CEP128: variants seen among roughly 807,000 people sequenced by gnomAD.
The protein encoded by CEP128 is centrosomal protein 128kDa.
In CEP128, 132 loss-of-function variants were observed where a neutral mutation model predicts 156.7. The observed-to-expected ratio is 0.84, with a 90% CI of 0.73 to 0.97. The LOEUF (loss-of-function observed/expected upper bound fraction) is 0.97. Among genes scored for constraint, CEP128 ranks in the 50% least tolerant of loss-of-function variants. CEP128 has a pLI of 0.00. For synonymous variants in CEP128, 469 were observed against 448.9 expected (o/e 1.04, Z -0.57); for missense variants, 1,252 against 1,281.9 (o/e 0.98, Z 0.36).
In CEP128 at chr14:80,792,847, C is replaced by T; in HGVS notation, c.1473G>A (p.Arg491=). ...DLKLKAQESI[R]QWKLKHKKLE... is the part of the protein sequence containing the mutation. ...ACTTCTTATGCTTAAGCTTCCACTG[C>T]CTAATGGATTCTTGAGCTTTCAGTT... The change falls in exon 14 of 25, where the codon AGG becomes AGA. Residue 491 remains arginine (R), a synonymous_variant. Coordinates refer to ENST00000555265, the MANE Select transcript of CEP128 (RefSeq NM_152446.5). 2 of 1,614,166 alleles carry T rather than the reference C, an allele frequency of 1.2e-6. No homozygotes were observed. The highest frequency in any genetic ancestry group is 1.1e-5 in the South Asian group (1 of 91,080).
chr14:80,754,459 C>CTTTTTTT (rs758603562), intron 18 of CEP128, among the ~76,000 whole-genome samples: 6 of 104,804 alleles, frequency 5.7e-5, no homozygotes, highest in East Asian at 2.6e-4. Context: ...ATGTCCTGTT[C>CTTTTTTT]TTTTTTTTTT....
intron 19 of CEP128, among the ~76,000 whole-genome samples, chr14:80,590,198 T>C (rs1025753064): frequency 3.4e-4 from 51 of 152,238 alleles, no homozygotes; most frequent in African/African-American, 1.2e-3. Context: ...AAGCATGTGT[T>C]TACACACCTG....
At chr14:80,647,598 T>C (rs1456590199) in intron 19 of CEP128, among the ~76,000 whole-genome samples, 2 of 152,074 alleles carry the variant, frequency 1.3e-5, no homozygotes, top group Non-Finnish European at 2.9e-5. Context: ...AGACCTACTG[T>C]TGCAATGGTC....
At chr14:80,787,594 C>T (rs1028357625) in intron 14 of CEP128, among the ~76,000 whole-genome samples, 16 of 152,030 alleles carry the variant, frequency 1.1e-4, no homozygotes, top group Admixed American at 1.0e-3. Context: ...GAGGGTCATT[C>T]TACTTACCAA....
At chr14:80,576,569 C>A (rs1049929963) in intron 20 of CEP128, among the ~76,000 whole-genome samples, 1 of 152,094 alleles carries the variant, frequency 6.6e-6, no homozygotes, top group Non-Finnish European at 1.5e-5. Context: ...GCTCCACCCC[C>A]CCTGCCGTTT....
chr14:80,529,324 A>G (rs1215257922), intron 22 of CEP128, among the ~76,000 whole-genome samples: 3 of 152,234 alleles, frequency 2.0e-5, no homozygotes, highest in African/African-American at 7.2e-5. Flanking sequence ...AGACTCTCCC[A>G]AAAAATTTTA....
chr14:80,700,878 T>C (rs1295718585), intron 19 of CEP128, among the ~76,000 whole-genome samples: 2 of 152,192 alleles, frequency 1.3e-5, no homozygotes, highest in Admixed American at 1.3e-4. Context: ...CTTGTTTAAC[T>C]GACCATACAG....
intron 14 of CEP128, among the ~76,000 whole-genome samples, chr14:80,482,353 G>A (rs1370294708): frequency 6.6e-6 from 1 of 152,112 alleles, no homozygotes; most frequent in African/African-American, 2.4e-5. Flanking sequence ...AGAAGCATAC[G>A]GTTCTTGACT....
intron 19 of CEP128, among the ~76,000 whole-genome samples, chr14:80,616,408 A>C (rs1354729458): frequency 1.4e-4 from 21 of 152,192 alleles, no homozygotes; most frequent in Admixed American, 1.4e-3. Flanking sequence ...ACAGGGGAGG[A>C]GACAAGCTGG....
intron 24 of CEP128, among the ~76,000 whole-genome samples, chr14:80,501,796 G>A (rs1887748092): frequency 6.6e-6 from 1 of 151,920 alleles, no homozygotes; most frequent in African/African-American, 2.4e-5. Context: ...CTTGAGGTAG[G>A]AGGTGGGACT....
At chr14:80,778,246 C>T (rs938038778) in intron 15 of CEP128, among the ~76,000 whole-genome samples, 200 bp from the exon 16 acceptor site, 8 of 152,210 alleles carry the variant, frequency 5.3e-5, no homozygotes, top group Middle Eastern at 3.4e-3. Context: ...CAAGCATTTA[C>T]GAAGTGGTAG....
rs761363449 is a variant in CEP128 at position 80,906,074 on chromosome 14, T to G, written c.242A>C (p.Glu81Ala). 1.3e-6 allele frequency: 2 copies of G among 1,592,328 alleles called. No individual in the cohort carries two copies. The highest frequency in any genetic ancestry group is 1.2e-5 in the South Asian group (1 of 86,572). Residue 81 changes from glutamate to alanine, a missense_variant, in exon 5 of 25, where the codon GAA (glutamate) becomes GCA (alanine). Coordinates refer to ENST00000555265, the MANE Select transcript of CEP128 (RefSeq NM_152446.5). ...GQAGAIEHLKESLEQSIDQLR... is the reference protein window; with the variant it reads ...GQAGAIEHLKASLEQSIDQLR... Reference sequence around the variant, plus strand: ...TTGGTCGATTGATTGTTCCAAGCTTTCTTTTAACTAATTTAAAGAATATAA... The same window carrying G: ...TTGGTCGATTGATTGTTCCAAGCTTGCTTTTAACTAATTTAAAGAATATAA...
intron 19 of CEP128, among the ~76,000 whole-genome samples, chr14:80,647,768 A>T (rs1368957452): frequency 6.6e-6 from 1 of 152,084 alleles, no homozygotes; most frequent in African/African-American, 2.4e-5. Context: ...CAAAATATCA[A>T]TGGTGCTGAG....
chr14:80,622,196 T>C (rs540294445), intron 19 of CEP128, among the ~76,000 whole-genome samples: 1 of 152,280 alleles, frequency 6.6e-6, no homozygotes, highest in Non-Finnish European at 1.5e-5. Flanking sequence ...TACTGGAGTG[T>C]TTTTGTTTTC....
chr14:80,791,802 T>C (rs1489629934), intron 14 of CEP128, among the ~76,000 whole-genome samples: 1 of 152,210 alleles, frequency 6.6e-6, no homozygotes, highest in Non-Finnish European at 1.5e-5. Context: ...ATGTAAAAGA[T>C]AAAGCATCTT....
intron 19 of CEP128, among the ~76,000 whole-genome samples, chr14:80,686,210 T>C (rs1191655926): frequency 6.6e-6 from 1 of 151,898 alleles, no homozygotes. Context: ...CCGACAAAAG[T>C]ATAATATTCA....
chr14:80,907,086 G>A (rs535644627), intron 4 of CEP128, among the ~76,000 whole-genome samples: 1 of 152,144 alleles, frequency 6.6e-6, no homozygotes, highest in Non-Finnish European at 1.5e-5. Flanking sequence ...GGTGAAATGA[G>A]CAGAAAGAAA....
At chr14:80,878,618 G>T (rs1888390678) in intron 8 of CEP128, among the ~76,000 whole-genome samples, 1 of 152,108 alleles carries the variant, frequency 6.6e-6, no homozygotes, top group Non-Finnish European at 1.5e-5. Flanking sequence ...CCCAGGGCCT[G>T]AGCCTCTGGA....
intron 8 of CEP128, among the ~76,000 whole-genome samples, chr14:80,881,933 C>T (rs1267409416): frequency 6.6e-6 from 1 of 152,160 alleles, no homozygotes; most frequent in Non-Finnish European, 1.5e-5. Flanking sequence ...CACTGAAAGC[C>T]TTTCCTCTAA....
Sources: allele counts gnomAD v4.1 joint callset (sites outside exome capture counted in the v4.1 genomes callset), GRCh38; gene constraint gnomAD v4.1.1; transcripts MANE v1.5; gene names NCBI Gene and HGNC (gene_info 2026-07-23, HGNC 2026-07-21).